Variants in AGO2 observed in about 807,000 individuals in gnomAD.
AGO2 encodes the protein argonaute RISC catalytic component 2.
AGO2 carries 5 observed loss-of-function variants against 102.3 expected under a neutral mutation model. That is an observed-to-expected ratio of 0.05 (90% CI 0.03 to 0.10). The LOEUF (loss-of-function observed/expected upper bound fraction) is 0.10. Ranked by LOEUF, AGO2 falls within the 10% of genes least tolerant of loss-of-function variation. The pLI is 1.00. For missense variants in AGO2, 541 were observed against 1,183.7 expected (o/e 0.46, Z 7.97); for synonymous variants, 449 against 473.1 (o/e 0.95, Z 0.66).
intron 1 of AGO2, among the ~76,000 whole-genome samples, chr8:140,614,035 A>AAAAG (rs1348935005): frequency 1.3e-4 from 20 of 150,508 alleles, no homozygotes; most frequent in Non-Finnish European, 2.2e-4. Flanking sequence ...AAAAAAAAAA[A>AAAAG]AAAAAGGCCA....
chr8:140,545,475 G>A (rs1031729450), intron 13 of AGO2, among the ~76,000 whole-genome samples: 2 of 152,088 alleles, frequency 1.3e-5, no homozygotes, highest in Non-Finnish European at 2.9e-5. Flanking sequence ...CTTCTCTAGG[G>A]CCCAGGGCTT....
At chr8:140,630,620 A>G (rs1438324830) in intron 1 of AGO2, among the ~76,000 whole-genome samples, 1 of 152,252 alleles carries the variant, frequency 6.6e-6, no homozygotes, top group Non-Finnish European at 1.5e-5. Context: ...CTGGCCACAA[A>G]CGATAAGGGC....
rs910789092 is a variant in AGO2, at chr8:140,522,958, G to C, written c.*9086C>G. On this transcript the variant is annotated 3_prime_UTR_variant, in exon 19 of 19. Coordinates refer to ENST00000220592, the MANE Select transcript of AGO2 (RefSeq NM_012154.5). ...TGGACATCTTCAAGACACACAGCAT[G>C]GTATTCAACTAAAGACAATGACATG... is the stretch of plus-strand genomic sequence containing the variant. 2.6e-5 allele frequency: 4 copies of C among 152,114 alleles called. No individual in the cohort carries two copies. The highest frequency in any genetic ancestry group is 7.2e-5 in the African/African-American group (3 of 41,406). The allele number at this position is 152,114 out of a possible 1,614,324, so 9.4% of individuals were successfully genotyped here. A position where few individuals can be genotyped will look rare whatever the true frequency, so the allele number is the denominator to read the frequency against.
intron 12 of AGO2, among the ~76,000 whole-genome samples, chr8:140,548,506 A>C (rs2072941353): frequency 1.3e-5 from 2 of 152,106 alleles, no homozygotes; most frequent in South Asian, 4.1e-4. Flanking sequence ...TTCATGAAGC[A>C]ACTGGTCAGC....
chr8:140,549,067 G>T lies in AGO2; in HGVS notation c.1588+47C>A, dbSNP rs367904890. ...GGCTTAGGCAGGAACAAACACCCAC[G>T]GAGACCACGACGGCTCCCCACAGCC... On this transcript the variant is annotated intron_variant, in intron 12 of 18. Coordinates refer to ENST00000220592, the MANE Select transcript of AGO2 (RefSeq NM_012154.5). 3 of 1,549,354 alleles carry T rather than the reference G, an allele frequency of 1.9e-6. No individual in the cohort carries two copies. The East Asian group carries it at 6.8e-5, about 35-fold the overall frequency.
chr8:140,601,252 C>T (rs921309488), intron 1 of AGO2, among the ~76,000 whole-genome samples: 4 of 152,218 alleles, frequency 2.6e-5, no homozygotes, highest in East Asian at 3.9e-4. Flanking sequence ...TCCTCAAATC[C>T]CTGCGGTTTG....
chr8:140,641,478 G>A, the AGO2 span, among the ~76,000 whole-genome samples: 1 of 152,048 alleles, frequency 6.6e-6, no homozygotes, highest in Non-Finnish European at 1.5e-5. Flanking sequence ...CTAGTATCAT[G>A]TTTCTTTGAA....
At chr8:140,579,746 G>A (rs756051273) in intron 2 of AGO2, among the ~76,000 whole-genome samples, 7 of 152,098 alleles carry the variant, frequency 4.6e-5, no homozygotes, top group Non-Finnish European at 8.8e-5. Flanking sequence ...TGGGTCAGAG[G>A]GTACACGATG....
chr8:140,584,571 C>T (rs1442836767), intron 2 of AGO2, among the ~76,000 whole-genome samples: 11 of 152,106 alleles, frequency 7.2e-5, no homozygotes. Context: ...ATGGCCACAG[C>T]CTAGACTGCC....
At chr8:140,568,664 C>A (rs1039088130) in intron 3 of AGO2, among the ~76,000 whole-genome samples, 6 of 152,210 alleles carry the variant, frequency 3.9e-5, no homozygotes, top group African/African-American at 1.4e-4. Flanking sequence ...CTAAAGGCAT[C>A]CTGTGACTCT....
At chr8:140,605,554 G>A (rs1265178255) in intron 1 of AGO2, among the ~76,000 whole-genome samples, 1 of 152,230 alleles carries the variant, frequency 6.6e-6, no homozygotes, top group East Asian at 1.9e-4. Context: ...GTCTGAGGCT[G>A]CGCAAGGCCA....
rs1007182875 is a variant in AGO2 at position 140,527,933 on chromosome 8, C to T, written c.*4111G>A. On this transcript the variant is annotated 3_prime_UTR_variant, in exon 19 of 19. Coordinates refer to ENST00000220592, the MANE Select transcript of AGO2 (RefSeq NM_012154.5). The surrounding 1 kb of genome is among the most constrained non-coding windows in gnomAD (Gnocchi z 6.0). The stretch of plus-strand genomic sequence containing the variant: ...TCACAGTCCCGCCGAAGGACTCATC[C>T]AGTTCCCAGAGGCGCAGGGAACAAG... 12 of 152,242 alleles carry T rather than the reference C, an allele frequency of 7.9e-5. No individual in the cohort carries two copies. Among genetic ancestry groups the T allele is most frequent in the African/African-American group, 2.7e-4 (11 of 41,462 alleles). 9.4% of individuals were successfully genotyped at this position (152,242 alleles called of 1,614,324 possible). A position where few individuals can be genotyped will look rare whatever the true frequency, so the allele number is the denominator to read the frequency against.
chr8:140,543,395 C>T lies in AGO2; in HGVS notation c.1839+818G>A, dbSNP rs112808285. ...TGGGGCAGCTCGAATGGCTTCCTTG[C>T]GTCCCAGATAGATTCTCTTGCTCCA... On this transcript the variant is annotated intron_variant, in intron 14 of 18. Coordinates refer to ENST00000220592, the MANE Select transcript of AGO2 (RefSeq NM_012154.5). Among the ~76,000 whole-genome samples, 728 of 152,304 alleles carry T rather than the reference C, an allele frequency of 4.8e-3. 5 individuals carry two copies. Among genetic ancestry groups the T allele is most frequent in the African/African-American group, 0.016 (679 of 41,560 alleles).
chr8:140,630,635 A>G (rs13248602), intron 1 of AGO2, among the ~76,000 whole-genome samples: 106,943 of 152,076 alleles, frequency 0.7, 37,905 homozygotes, highest in Admixed American at 0.78. Flanking sequence ...AAGGGCAGAG[A>G]TATGTGAAAG....
intron 1 of AGO2, among the ~76,000 whole-genome samples, chr8:140,623,775 C>T (rs2152108466): frequency 6.6e-6 from 1 of 152,212 alleles, no homozygotes; most frequent in South Asian, 2.1e-4. Context: ...CCTGGGAGGC[C>T]ACTTGCCACC....
In AGO2 at chr8:140,572,889, A is replaced by G; in HGVS notation, c.259T>C (p.Phe87Leu). 1 of 1,614,132 alleles carries G rather than the reference A, an allele frequency of 6.2e-7. No homozygotes were observed. Among genetic ancestry groups the G allele is most frequent in the Non-Finnish European group, 8.5e-7 (1 of 1,180,022 alleles). ...TCAAACACGGGCTTCCGATCCCCAAAGATCTGTGTTTTAAAGTGCTGGACC... is the reference window on the plus strand; with the variant it reads ...TCAAACACGGGCTTCCGATCCCCAAGGATCTGTGTTTTAAAGTGCTGGACC... ...HMVQHFKTQI[F>L]GDRKPVFDGR... is the part of the protein sequence containing the mutation. Residue 87 changes from phenylalanine (F) to leucine (L), a missense_variant, in exon 3 of 19, where the codon TTT (phenylalanine) becomes CTT (leucine). Physicochemically the swap from Phe to Leu is conservative, Grantham distance 22 (BLOSUM62 0). Transcript: ENST00000220592.
At chr8:140,559,636 C>A in intron 5 of AGO2, 107 bp from the exon 6 acceptor site, 1 of 1,469,182 alleles carries the variant, frequency 6.8e-7, no homozygotes, top group Non-Finnish European at 9.2e-7. Context: ...GGTGGGGACA[C>A]CCGGCCGGGG....
At chr8:140,587,271 T>C (rs1468868045) in intron 1 of AGO2, among the ~76,000 whole-genome samples, 1 of 152,270 alleles carries the variant, frequency 6.6e-6, no homozygotes, top group Non-Finnish European at 1.5e-5. Context: ...TCATAAAACA[T>C]GCAATTTCCT....
chr8:140,584,421 A>G (rs2073615136), intron 2 of AGO2, among the ~76,000 whole-genome samples: 1 of 152,202 alleles, frequency 6.6e-6, no homozygotes, highest in Admixed American at 6.5e-5. Flanking sequence ...AACACCATTT[A>G]TTTGGCAGGT....
Sources: gnomAD v4.1 joint callset for allele counts (sites outside exome capture counted in the v4.1 genomes callset) on GRCh38, gnomAD v4.1.1 for gene constraint, Gnocchi (gnomAD v3.1) non-coding constraint, MANE v1.5 for transcripts, NCBI Gene and HGNC (gene_info 2026-07-23, HGNC 2026-07-21) for gene names.